DDX60: variants seen among roughly 807,000 people sequenced by gnomAD.
The protein encoded by DDX60 is probable ATP-dependent RNA helicase DDX60.
A neutral mutation model predicts 212.8 loss-of-function variants in DDX60; 165 were observed. The observed-to-expected ratio is 0.78, with a 90% CI of 0.68 to 0.88. The LOEUF (loss-of-function observed/expected upper bound fraction) is 0.88, where lower values mean the gene tolerates loss of function less well. Ranked by LOEUF, DDX60 falls within the 40% of genes least tolerant of loss-of-function variation. The probability of loss-of-function intolerance (pLI) is 0.00; values close to 1 mark genes in which losing one functional copy is unlikely to be tolerated. For synonymous variants in DDX60, 703 were observed against 685.3 expected, an observed-to-expected ratio of 1.03 and a Z score of -0.40; for missense variants, 1,905 against 2,003.9, an observed-to-expected ratio of 0.95 and a Z score of 0.94.
chr4:168,299,160 A>C (rs1736540473), intron 6 of DDX60, among the ~76,000 whole-genome samples: 3 of 63,352 alleles, frequency 4.7e-5, no homozygotes, highest in East Asian at 2.5e-4. Context: ...ACTGTCTCAA[A>C]AAAAAAAAAA....
chr4:168,262,473 GAA>G (rs1163765484), intron 23 of DDX60, among the ~76,000 whole-genome samples: 3 of 149,988 alleles, frequency 2.0e-5, no homozygotes, highest in Non-Finnish European at 4.4e-5. Context: ...AAAAAAAAAA[GAA>G]GAAATATTCT....
chr4:168,220,103 C>CA, intron 37 of DDX60, among the ~76,000 whole-genome samples: 1 of 152,018 alleles, frequency 6.6e-6, no homozygotes. Flanking sequence ...TCAATGAAGC[C>CA]TAAGAATGGG....
At chr4:168,312,756 G>GATAGATAGATAGATATGAT (rs1560884812) in intron 1 of DDX60, among the ~76,000 whole-genome samples, 5 of 68,982 alleles carry the variant, frequency 7.2e-5, no homozygotes, top group African/African-American at 4.3e-4. Context: ...ATATGATAGA[G>GATAGATAGATAGATATGAT]AGAGAGAGAT....
chr4:168,302,216 C>A, intron 6 of DDX60, 84 bp downstream of exon 6: 1 of 546,970 alleles, frequency 1.8e-6, no homozygotes, highest in Non-Finnish European at 3.2e-6. Context: ...ATGAGAAGTA[C>A]ATGAGAACTC....
chr4:168,278,167 T>G (rs2149523818), intron 14 of DDX60, among the ~76,000 whole-genome samples: 1 of 152,332 alleles, frequency 6.6e-6, no homozygotes, highest in East Asian at 1.9e-4. Flanking sequence ...AACATGAAAG[T>G]TCTTGACTTA....
At chr4:168,286,389 TACAC>T (rs71867661) in intron 10 of DDX60, among the ~76,000 whole-genome samples, 62 of 133,734 alleles carry the variant, frequency 4.6e-4, no homozygotes, top group Admixed American at 1.0e-3. Flanking sequence ...CTTGATTTTA[TACAC>T]ACACACACAC....
chr4:168,278,573 C>T (rs1049481528), intron 14 of DDX60, among the ~76,000 whole-genome samples: 7 of 152,248 alleles, frequency 4.6e-5, no homozygotes, highest in Non-Finnish European at 8.8e-5. Flanking sequence ...GCCTGTAATC[C>T]CAGCAATTTG....
chr4:168,262,564 T>C (rs1734665314), intron 23 of DDX60, 119 bp downstream of exon 23: 5 of 673,228 alleles, frequency 7.4e-6, no homozygotes, highest in Non-Finnish European at 1.0e-5. Flanking sequence ...GAGGCACTCT[T>C]ATTGTAGGAA....
intron 30 of DDX60, 135 bp downstream of exon 30, chr4:168,246,283 T>G: frequency 9.8e-7 from 1 of 1,016,040 alleles, no homozygotes; most frequent in Non-Finnish European, 1.5e-6. Context: ...TTCTATACGA[T>G]TCAAGACATT....
chr4:168,320,758 A>G (rs1737587001), upstream of DDX60, among the ~76,000 whole-genome samples: 1 of 152,236 alleles, frequency 6.6e-6, no homozygotes. Flanking sequence ...TGCTAATACC[A>G]TATCAATGAT....
In DDX60 at chr4:168,272,097, A is replaced by G; in HGVS notation, c.2616T>C (p.Leu872=). ...TVPACFEILL[L]APHRQNWVKK... ...TCACCCAGTTTTGGCGATGAGGAGC[A>G]AGCAGCAGAATTTCAAAGCAGGCAG... The change falls in exon 19 of 38, where the codon CTT becomes CTC. Residue 872 remains leucine (L), a synonymous_variant. Transcript: ENST00000393743. 1 of 1,587,010 alleles carries G rather than the reference A, an allele frequency of 6.3e-7. No individual in the cohort carries two copies.
In DDX60 at chr4:168,250,628, C is replaced by A. The variant is rs184520060; in HGVS notation, c.3858+326G>T. ...GCAACCTCCACCTCCCGGGTTCAAG[C>A]GATTCTTCTGCCTCAACTTCCTGAA... On this transcript the variant is annotated intron_variant, in intron 28 of 37. Coordinates refer to ENST00000393743, the MANE Select transcript of DDX60 (RefSeq NM_017631.6). Among the ~76,000 whole-genome samples, 315 of 150,926 alleles carry A rather than the reference C, an allele frequency of 2.1e-3. 4 individuals carry two copies. Among genetic ancestry groups the A allele is most frequent in the African/African-American group, 7.4e-3 (305 of 40,998 alleles).
In DDX60 at chr4:168,303,337, G is replaced by A. The variant is rs1477567408; in HGVS notation, c.607-921C>T. ...AAAAAATACTCTTAAGGAAAGATTC[G>A]ACAGTGTGTAGGTACTGTTAAAACT... On this transcript the variant is annotated intron_variant, in intron 5 of 37. Transcript: ENST00000393743. 6.6e-5 allele frequency among the ~76,000 whole-genome samples: 10 copies of A among 151,470 alleles called. No homozygotes were observed. In the East Asian group the frequency reaches 1.7e-3, roughly 26 times the overall value.
At position 168,262,010 on chromosome 4, in the gene DDX60, T is replaced by C. The variant is rs1734643195; in HGVS notation, c.3263A>G (p.Asn1088Ser). 7 of 1,593,450 alleles carry C rather than the reference T, an allele frequency of 4.4e-6. No homozygotes were observed. Among genetic ancestry groups the C allele is most frequent in the Non-Finnish European group, 5.1e-6 (6 of 1,173,256 alleles). The change falls in exon 24 of 38, where the codon AAC becomes AGC. Residue 1088 changes from asparagine (N) to serine (S), a missense_variant. Transcript: ENST00000393743. ...GCGTATGAAAATTACCTGCTCTACG[T>C]TGCCATTTTTAATCCAACTTGTTAA... ...AELTSWIKNGNVEQARMVLQN... is the reference protein window; with the variant it reads ...AELTSWIKNGSVEQARMVLQN...
intron 12 of DDX60, among the ~76,000 whole-genome samples, 162 bp from the exon 13 acceptor site, chr4:168,283,768 C>A (rs1355889366): frequency 4.6e-5 from 7 of 151,984 alleles, no homozygotes; most frequent in African/African-American, 1.7e-4. Context: ...TTAATAATTC[C>A]TTTTCTTATT....
In DDX60 at chr4:168,314,312, A is replaced by C. The variant is rs182636229; in HGVS notation, c.-106-2947T>G. Among the ~76,000 whole-genome samples the C allele has an allele frequency of 3.9e-3, 563 of 145,732 alleles. 4 individuals are homozygous for C. Among genetic ancestry groups the C allele is most frequent in the African/African-American group, 0.015 (540 of 36,498 alleles). On this transcript the variant is annotated intron_variant, in intron 1 of 37. Transcript: ENST00000393743. ...ATCCAGCCACCTGTAGTAACTAATG[A>C]TTGAACACTCACACACACACACACA...
intron 6 of DDX60, among the ~76,000 whole-genome samples, chr4:168,295,567 ACC>A (rs1336392998): frequency 6.6e-6 from 1 of 152,184 alleles, no homozygotes; most frequent in African/African-American, 2.4e-5. Flanking sequence ...ACCATGAGGC[ACC>A]CCTGGAGTCT....
chr4:168,229,796 T>C (rs1733381850), intron 33 of DDX60, among the ~76,000 whole-genome samples: 1 of 151,866 alleles, frequency 6.6e-6, no homozygotes, highest in Admixed American at 6.6e-5. Context: ...TATAAAATAA[T>C]AGCACAATGG....
At chr4:168,302,232 G>T in intron 6 of DDX60, 68 bp downstream of exon 6, 2 of 717,322 alleles carry the variant, frequency 2.8e-6, no homozygotes, top group South Asian at 2.6e-5. Flanking sequence ...AACTCTGTAT[G>T]ATTTTTGCAA....
Sources: gnomAD v4.1 joint callset for allele counts (sites outside exome capture counted in the v4.1 genomes callset) on GRCh38, gnomAD v4.1.1 for gene constraint, MANE v1.5 for transcripts, NCBI Gene and HGNC (gene_info 2026-07-23, HGNC 2026-07-21) for gene names.